The following TAOK3 variants were observed in gnomAD, a reference collection of about 807,000 sequenced individuals.
TAOK3 encodes the protein TAO kinase 3, also known as serine/threonine-protein kinase TAO3.
In TAOK3, 40 loss-of-function variants were observed where a neutral mutation model predicts 120.4. The ratio of observed to expected loss-of-function variants is 0.33; its 90% confidence interval spans 0.26 to 0.43. TAOK3 has a LOEUF of 0.43. Among genes scored for constraint, TAOK3 ranks in the 20% least tolerant of loss-of-function variants. TAOK3 has a pLI of 1.00. For synonymous variants in TAOK3, 355 were observed against 387.5 expected (o/e 0.92, Z 0.99); for missense variants, 821 against 1,112.1 (o/e 0.74, Z 3.72).
At chr12:118,273,568 A>G (rs2041800349) in intron 1 of TAOK3, among the ~76,000 whole-genome samples, 2 of 152,064 alleles carry the variant, frequency 1.3e-5, no homozygotes, top group Admixed American at 1.3e-4. Context: ...TAATCTCAGC[A>G]CTTTGGGAGG....
At chr12:118,328,399 G>C (rs2044016870) in intron 1 of TAOK3, among the ~76,000 whole-genome samples, 1 of 152,092 alleles carries the variant, frequency 6.6e-6, no homozygotes. Context: ...GTTTGTGCTA[G>C]GTAGTAGACA....
At chr12:118,342,534 A>G (rs1747478744) in intron 1 of TAOK3, among the ~76,000 whole-genome samples, 1 of 152,236 alleles carries the variant, frequency 6.6e-6, no homozygotes, top group Non-Finnish European at 1.5e-5. Flanking sequence ...ACTTTTTACT[A>G]TGCCATGACA....
intron 1 of TAOK3, among the ~76,000 whole-genome samples, chr12:118,364,824 G>C (rs1229463660): frequency 6.6e-6 from 1 of 152,164 alleles, no homozygotes; most frequent in Non-Finnish European, 1.5e-5. Flanking sequence ...AGAATTGCTT[G>C]AATCTGGGAG....
intron 1 of TAOK3, among the ~76,000 whole-genome samples, chr12:118,333,687 C>T (rs985580641): frequency 3.3e-5 from 5 of 151,236 alleles, no homozygotes; most frequent in Admixed American, 6.6e-5. Context: ...TCAATGAAAT[C>T]AAAACTAGTT....
At chr12:118,345,188 T>G (rs2044801415) in intron 1 of TAOK3, among the ~76,000 whole-genome samples, 1 of 152,196 alleles carries the variant, frequency 6.6e-6, no homozygotes, top group Non-Finnish European at 1.5e-5. Flanking sequence ...GGGAATGAAA[T>G]GTCTATTTTT....
intron 2 of TAOK3, among the ~76,000 whole-genome samples, chr12:118,259,900 A>G (rs2041151627): frequency 6.6e-6 from 1 of 152,198 alleles, no homozygotes; most frequent in South Asian, 2.1e-4. Flanking sequence ...TGATTAGTGC[A>G]TGCATATGAG....
intron 9 of TAOK3, among the ~76,000 whole-genome samples, chr12:118,215,544 CA>C (rs1156391182): frequency 6.6e-6 from 1 of 151,606 alleles, no homozygotes. Context: ...AAATCACTAA[CA>C]GAGCATGAGA....
chr12:118,189,047 T>C (rs1407089827), intron 14 of TAOK3, among the ~76,000 whole-genome samples: 1 of 152,220 alleles, frequency 6.6e-6, no homozygotes, highest in Admixed American at 6.5e-5. Flanking sequence ...CATCCAGCAA[T>C]CACATTTGCA....
At chr12:118,229,017 G>C (rs2039637023) in intron 9 of TAOK3, among the ~76,000 whole-genome samples, 1 of 152,020 alleles carries the variant, frequency 6.6e-6, no homozygotes, top group Non-Finnish European at 1.5e-5. Flanking sequence ...GACTTCCTGG[G>C]TTCAGGTGAT....
At chr12:118,274,027 C>T (rs1593375337) in intron 1 of TAOK3, among the ~76,000 whole-genome samples, 1 of 151,838 alleles carries the variant, frequency 6.6e-6, no homozygotes, top group South Asian at 2.1e-4. Context: ...GTATCTTTTT[C>T]GAAGTCACAT....
In TAOK3 at chr12:118,150,745, C is replaced by G. The variant is rs2034332074; in HGVS notation, c.*252G>C. The G allele has an allele frequency of 4.7e-6, 2 of 426,958 alleles. No individual in the cohort carries two copies. The allele number at this position is 426,958 out of a possible 1,614,324, so 26.4% of individuals were successfully genotyped here. On this transcript the variant is annotated 3_prime_UTR_variant, in exon 21 of 21. Transcript: ENST00000392533. The stretch of plus-strand genomic sequence containing the variant: ...TGAAACATTTTGAATCACATCAATA[C>G]TGTGACGTGTACTGTGAATAGAAGA...
intron 11 of TAOK3, among the ~76,000 whole-genome samples, chr12:118,211,383 AG>A (rs966964746): frequency 1.3e-5 from 2 of 152,076 alleles, no homozygotes; most frequent in African/African-American, 4.8e-5. Flanking sequence ...CATCTTTAGA[AG>A]TTTTATTTTT....
intron 11 of TAOK3, among the ~76,000 whole-genome samples, chr12:118,210,814 C>A (rs1470437344): frequency 6.6e-6 from 1 of 150,866 alleles, no homozygotes; most frequent in Non-Finnish European, 1.5e-5. Flanking sequence ...TCTTGGCTCA[C>A]TGTAACCTCC....
At chr12:118,343,999 G>A (rs912145841) in intron 1 of TAOK3, among the ~76,000 whole-genome samples, 5 of 149,260 alleles carry the variant, frequency 3.3e-5, no homozygotes, top group South Asian at 2.1e-4. Context: ...GGGACAGAGC[G>A]AGACTGTCTA....
intron 11 of TAOK3, among the ~76,000 whole-genome samples, chr12:118,204,621 T>C (rs1370984366): frequency 2.0e-5 from 3 of 152,218 alleles, no homozygotes; most frequent in Non-Finnish European, 4.4e-5. Context: ...GAAGAAAGTA[T>C]TATCATTTTC....
chr12:118,226,359 G>C (rs1020943934), intron 9 of TAOK3, among the ~76,000 whole-genome samples: 11 of 151,802 alleles, frequency 7.2e-5, no homozygotes, highest in African/African-American at 2.4e-4. Flanking sequence ...CTGGGCGACA[G>C]AGCGAGACTC....
chr12:118,335,902 A>G (rs2044349472), intron 1 of TAOK3, among the ~76,000 whole-genome samples: 1 of 152,220 alleles, frequency 6.6e-6, no homozygotes, highest in South Asian at 2.1e-4. Context: ...CTTTAAAAAC[A>G]TGTCTATAAA....
chr12:118,257,602 T>C lies in TAOK3; in HGVS notation c.-88-1947A>G, dbSNP rs567913071. The stretch of plus-strand genomic sequence containing the variant: ...CCAACTAGATAACCAAGATAGAAAT[T>C]TGGTTATTGGCCAATAAAACTATTT... On this transcript the variant is annotated intron_variant, in intron 2 of 20. Transcript: ENST00000392533. 3.9e-5 allele frequency among the ~76,000 whole-genome samples: 6 copies of C among 152,224 alleles called. No homozygotes were observed. The East Asian group carries it at 1.2e-3, about 29-fold the overall frequency.
intron 1 of TAOK3, among the ~76,000 whole-genome samples, chr12:118,346,768 A>C (rs2141177664): frequency 6.6e-6 from 1 of 152,354 alleles, no homozygotes; most frequent in African/African-American, 2.4e-5. Flanking sequence ...TACAGAATGG[A>C]AAGTTTAATC....
Sources: allele counts gnomAD v4.1 joint callset (sites outside exome capture counted in the v4.1 genomes callset), GRCh38; gene constraint gnomAD v4.1.1; transcripts MANE v1.5; gene names NCBI Gene and HGNC (gene_info 2026-07-23, HGNC 2026-07-21).